CNTN4: variants seen among roughly 807,000 people sequenced by gnomAD.
CNTN4 encodes contactin 4, also known as contactin-4.
A neutral mutation model predicts 122.5 loss-of-function variants in CNTN4; 77 were observed. The observed-to-expected ratio is 0.63, with a 90% CI of 0.52 to 0.76. CNTN4 has a LOEUF of 0.76. Ranked by LOEUF, CNTN4 falls within the 30% of genes least tolerant of loss-of-function variation. The pLI is 0.00. For missense variants in CNTN4, 1,256 were observed against 1,259.1 expected (o/e 1.00, Z 0.04); for synonymous variants, 512 against 447.0 (o/e 1.15, Z -1.83).
chr3:2,267,860 T>G (rs1200940641), intron 2 of CNTN4, among the ~76,000 whole-genome samples: 3 of 152,082 alleles, frequency 2.0e-5, no homozygotes, highest in African/African-American at 7.2e-5. Context: ...AGGCTTTTCA[T>G]CTTATATGTA....
chr3:2,818,907 A>C (rs1184973722), intron 6 of CNTN4, among the ~76,000 whole-genome samples: 1 of 152,238 alleles, frequency 6.6e-6, no homozygotes, highest in Admixed American at 6.5e-5. Context: ...TTGTGTTTGT[A>C]TATAAAGAGA....
chr3:2,594,080 C>T (rs962385506), intron 4 of CNTN4, among the ~76,000 whole-genome samples: 4 of 152,036 alleles, frequency 2.6e-5, no homozygotes, highest in African/African-American at 7.2e-5. Context: ...AATCTATTGG[C>T]GTATATTCAA....
rs781248942 is a variant in CNTN4 at position 3,037,240 on chromosome 3, T to A, written c.2004T>A (p.Val668=). 1.2e-6 allele frequency: 2 copies of A among 1,614,106 alleles called. No homozygotes were observed. Among genetic ancestry groups the A allele is most frequent in the Non-Finnish European group, 1.7e-6 (2 of 1,180,044 alleles). ...CCGTGGTGGGTTTGAACCCTTGGGT[T>A]GAATATGAATTCCGCACAGTTGCAG... ...TATVVGLNPW[V]EYEFRTVAAN... is the part of the protein sequence containing the mutation. Residue 668 remains valine, a synonymous_variant, in exon 18 of 25, where the codon GTT becomes GTA. Coordinates refer to ENST00000418658, the MANE Select transcript of CNTN4 (RefSeq NM_175607.3).
chr3:2,728,287 G>A (rs1334404582), intron 4 of CNTN4, among the ~76,000 whole-genome samples: 1 of 152,188 alleles, frequency 6.6e-6, no homozygotes, highest in Non-Finnish European at 1.5e-5. Flanking sequence ...AGATGCTGCT[G>A]ATCTTACAGT....
intron 3 of CNTN4, among the ~76,000 whole-genome samples, chr3:2,500,519 A>G (rs1016201154): frequency 2.0e-5 from 3 of 152,010 alleles, no homozygotes; most frequent in African/African-American, 7.2e-5. Flanking sequence ...TCTGCATACA[A>G]TCTAATTGTT....
At chr3:2,197,271 T>A (rs1470811062) in intron 2 of CNTN4, among the ~76,000 whole-genome samples, 1 of 152,212 alleles carries the variant, frequency 6.6e-6, no homozygotes, top group Admixed American at 6.5e-5. Context: ...TCATCCTGTG[T>A]ATGTAGTGGA....
At chr3:2,287,811 G>A in intron 2 of CNTN4, among the ~76,000 whole-genome samples, 1 of 151,862 alleles carries the variant, frequency 6.6e-6, no homozygotes, top group Non-Finnish European at 1.5e-5. Context: ...AGGTGAGGAG[G>A]AAGAGGAAGA....
In CNTN4 at chr3:2,385,903, A is replaced by G. The variant is rs559356329; in HGVS notation, c.-89+46670A>G. 5.3e-5 allele frequency among the ~76,000 whole-genome samples: 8 copies of G among 152,188 alleles called. No homozygotes were observed. The South Asian group carries it at 1.0e-3, about 20-fold the overall frequency. ...TTCAACCCATAACAATGTTCCATCAATATTTGATAAATGAATGAATACATG... is the reference window on the plus strand; with the variant it reads ...TTCAACCCATAACAATGTTCCATCAGTATTTGATAAATGAATGAATACATG... On this transcript the variant is annotated intron_variant, in intron 3 of 24. Transcript: ENST00000418658. The surrounding 1 kb of genome is among the most constrained non-coding windows in gnomAD (Gnocchi z 4.0).
At chr3:2,674,794 AC>A (rs917845190) in intron 4 of CNTN4, among the ~76,000 whole-genome samples, 20 of 146,952 alleles carry the variant, frequency 1.4e-4, no homozygotes, top group Admixed American at 4.8e-4. Context: ...AAAAAAAAAA[AC>A]CATTAACTGT....
chr3:2,684,524 A>G (rs2085333053), intron 4 of CNTN4, among the ~76,000 whole-genome samples: 1 of 152,108 alleles, frequency 6.6e-6, no homozygotes, highest in Non-Finnish European at 1.5e-5. Flanking sequence ...CTAATGCTGG[A>G]CCCATGCATT....
chr3:2,609,917 T>G (rs1335086079), intron 4 of CNTN4, among the ~76,000 whole-genome samples: 1 of 152,222 alleles, frequency 6.6e-6, no homozygotes, highest in Admixed American at 6.6e-5. Flanking sequence ...CATAAAACTT[T>G]ATTTTCTTCA....
chr3:2,429,388 GGAACAGCAAATACTGCA>G (rs548697612), intron 3 of CNTN4, among the ~76,000 whole-genome samples: 2 of 152,260 alleles, frequency 1.3e-5, no homozygotes, highest in African/African-American at 4.8e-5. Context: ...CAGAGGCTGC[GGAACAGCAAATACTGCA>G]GAACAGCAAA....
chr3:2,213,535 C>T (rs1153534), intron 2 of CNTN4, among the ~76,000 whole-genome samples: 150,776 of 152,294 alleles, frequency 0.99, 74,663 homozygotes, highest in Middle Eastern at 1. Context: ...CAGTGTTTCT[C>T]CACCAAGAAG....
intron 14 of CNTN4, among the ~76,000 whole-genome samples, chr3:3,009,412 T>C (rs1696962475): frequency 6.6e-6 from 1 of 152,112 alleles, no homozygotes; most frequent in South Asian, 2.1e-4. Flanking sequence ...ATATCTAATA[T>C]TTCTCTGAAA....
intron 13 of CNTN4, among the ~76,000 whole-genome samples, chr3:2,962,257 A>G (rs186028763): frequency 1.1e-4 from 16 of 152,276 alleles, no homozygotes; most frequent in Admixed American, 1.0e-3. Context: ...CCCTAGATAG[A>G]GCCATTCACT....
chr3:2,736,472 T>C (rs2089102319), intron 5 of CNTN4, 131 bp downstream of exon 5: 7 of 448,832 alleles, frequency 1.6e-5, no homozygotes, highest in Non-Finnish European at 2.2e-5. Context: ...TTTATATATT[T>C]ATATTTTTGG....
chr3:2,746,538 G>T (rs1281337059), intron 6 of CNTN4, among the ~76,000 whole-genome samples: 1 of 152,210 alleles, frequency 6.6e-6, no homozygotes, highest in East Asian at 1.9e-4. Flanking sequence ...TTATGTATTT[G>T]CATGTGATTA....
At chr3:2,100,089 T>C (rs1231471517) in intron 1 of CNTN4, among the ~76,000 whole-genome samples, 1 of 151,854 alleles carries the variant, frequency 6.6e-6, no homozygotes, top group Non-Finnish European at 1.5e-5. Flanking sequence ...CTGGCGGAGG[T>C]TGTGTAGGGC....
chr3:2,276,185 T>G (rs1260595552), intron 2 of CNTN4, among the ~76,000 whole-genome samples: 1 of 152,092 alleles, frequency 6.6e-6, no homozygotes, highest in Non-Finnish European at 1.5e-5. Flanking sequence ...TTTATTATTT[T>G]TTTTTGAGAC....
Sources: allele counts gnomAD v4.1 joint callset (sites outside exome capture counted in the v4.1 genomes callset), GRCh38; gene constraint gnomAD v4.1.1; non-coding constraint Gnocchi (gnomAD v3.1); transcripts MANE v1.5; gene names NCBI Gene and HGNC (gene_info 2026-07-23, HGNC 2026-07-21).